The following NKIRAS1 variants were observed in gnomAD, a reference collection of about 807,000 sequenced individuals.
NKIRAS1 encodes the protein NFKB inhibitor interacting Ras like 1, also known as NF-kappa-B inhibitor-interacting Ras-like protein 1.
In NKIRAS1, 16 loss-of-function variants were observed where a neutral mutation model predicts 19.8. That is an observed-to-expected ratio of 0.81 (90% CI 0.55 to 1.23). The LOEUF is 1.23. Among genes scored for constraint, NKIRAS1 ranks in the 50% most tolerant of loss-of-function variants. NKIRAS1 has a pLI of 0.00. For synonymous variants in NKIRAS1, 88 were observed against 79.0 expected, an observed-to-expected ratio of 1.11 and a Z score of -0.61; for missense variants, 184 against 220.0, an observed-to-expected ratio of 0.84 and a Z score of 1.04.
At position 23,908,679 on chromosome 3, in the gene NKIRAS1, TTTTC is replaced by T. The variant is rs529009972; in HGVS notation, c.94+2128_94+2131del. Reference sequence around the variant, plus strand: ...TAGTTTACAAATGTCTCCATTTTCCTTTTCTTTTTTTCTTTTTTCAGACAGGGTC... The same window carrying T: ...TAGTTTACAAATGTCTCCATTTTCCTTTTTTTTCTTTTTTCAGACAGGGTC... On this transcript the variant is annotated intron_variant, in intron 3 of 4. Transcript: ENST00000425478. Among the ~76,000 whole-genome samples the T allele has an allele frequency of 2.4e-4, 37 of 152,198 alleles. No homozygotes were observed. In the South Asian group the frequency reaches 6.6e-3, roughly 27 times the overall value.
intron 1 of NKIRAS1, among the ~76,000 whole-genome samples, chr3:23,936,342 C>T (rs906877403): frequency 6.6e-6 from 1 of 152,114 alleles, no homozygotes; most frequent in Non-Finnish European, 1.5e-5. Context: ...CAGCCACTAA[C>T]CTTATATACT....
At chr3:23,921,531 A>G, upstream of NKIRAS1, 3 of 671,664 alleles carry the variant, frequency 4.5e-6, no homozygotes, top group South Asian at 3.2e-5. Context: ...TACTATTTCT[A>G]TATTGGCATG....
chr3:23,918,397 G>A (rs1704816923), upstream of NKIRAS1: 4 of 1,600,496 alleles, frequency 2.5e-6, no homozygotes, highest in Middle Eastern at 2.3e-4. Flanking sequence ...TAAGCCTTAC[G>A]GCTTCCTATA....
At chr3:23,923,580 T>C (rs920601963) in intron 1 of NKIRAS1, 2 of 152,232 alleles carry the variant, frequency 1.3e-5, no homozygotes, top group Non-Finnish European at 1.5e-5. Flanking sequence ...CCATGATTCA[T>C]TGGATGTGGA....
chr3:23,945,936 G>T (rs567249310), intron 1 of NKIRAS1, among the ~76,000 whole-genome samples: 1 of 149,778 alleles, frequency 6.7e-6, no homozygotes, highest in South Asian at 2.1e-4. Context: ...ATTACATAAT[G>T]GGCGCTGAGG....
chr3:23,919,178 C>G (rs775525444), upstream of NKIRAS1: 41 of 1,580,130 alleles, frequency 2.6e-5, no homozygotes, highest in Non-Finnish European at 1.7e-5. Context: ...TGACCTTGGG[C>G]CTTTTTTCCT....
intron 1 of NKIRAS1, among the ~76,000 whole-genome samples, chr3:23,942,801 TGCACTGGGGAGATCA>T (rs2125272528): frequency 6.6e-6 from 1 of 152,266 alleles, no homozygotes; most frequent in African/African-American, 2.4e-5. Context: ...CAGACTGGAA[TGCACTGGGGAGATCA>T]TGACTTACTG....
chr3:23,918,706 A>G, upstream of NKIRAS1: 1 of 1,099,964 alleles, frequency 9.1e-7, no homozygotes, highest in Non-Finnish European at 1.3e-6. Flanking sequence ...GATTTTTACT[A>G]ATCTTGGTGA....
chr3:23,918,988 G>T, upstream of NKIRAS1: 1 of 592,456 alleles, frequency 1.7e-6, no homozygotes, highest in African/African-American at 1.9e-5. Flanking sequence ...AAGAGGGAAT[G>T]ATGTGTTTCA....
intron 3 of NKIRAS1, among the ~76,000 whole-genome samples, chr3:23,908,193 G>C (rs990370091): frequency 6.6e-6 from 1 of 152,038 alleles, no homozygotes; most frequent in African/African-American, 2.4e-5. Context: ...ACCAATTCAC[G>C]ATGCTAAAAA....
chr3:23,893,021 G>C lies in NKIRAS1; in HGVS notation c.*74C>G. 7.0e-7 allele frequency: 1 copy of C among 1,436,314 alleles called. No individual in the cohort carries two copies. The highest frequency in any genetic ancestry group is 9.2e-7 in the Non-Finnish European group (1 of 1,081,122). 89.0% of individuals were successfully genotyped at this position (1,436,314 alleles called of 1,614,324 possible). A position where few individuals can be genotyped will look rare whatever the true frequency, so the allele number is the denominator to read the frequency against. On this transcript the variant is annotated 3_prime_UTR_variant, in exon 5 of 5. Coordinates refer to ENST00000425478, the MANE Select transcript of NKIRAS1 (RefSeq NM_020345.4). ...AGATACAAATGGCCTATTTTAAATA[G>C]TAATATTACTCCATGTTCACAGACA...
chr3:23,918,115 T>C, upstream of NKIRAS1: 2 of 1,469,810 alleles, frequency 1.4e-6, no homozygotes, highest in African/African-American at 1.4e-5. Flanking sequence ...CACTGCTGCC[T>C]CAGTGTCTTT....
chr3:23,945,754 C>A (rs1705655937), intron 1 of NKIRAS1, among the ~76,000 whole-genome samples: 1 of 150,346 alleles, frequency 6.7e-6, no homozygotes, highest in Non-Finnish European at 1.5e-5. Flanking sequence ...CCCATCGCCC[C>A]CCGGGCCGCC....
At chr3:23,946,015 A>T in intron 1 of NKIRAS1, 1 of 670,692 alleles carries the variant, frequency 1.5e-6, no homozygotes, top group Non-Finnish European at 1.8e-6. Context: ...GGCCGCAGGG[A>T]CACGTGGGGG....
chr3:23,933,416 C>A (rs766659743), intron 1 of NKIRAS1, among the ~76,000 whole-genome samples: 54 of 152,300 alleles, frequency 3.5e-4, no homozygotes, highest in Non-Finnish European at 6.6e-4. Context: ...GTTGTCACAA[C>A]TGGGAAGTGG....
At chr3:23,900,160 TC>T (rs1201204900) in intron 4 of NKIRAS1, among the ~76,000 whole-genome samples, 3 of 151,358 alleles carry the variant, frequency 2.0e-5, no homozygotes, top group African/African-American at 7.3e-5. Context: ...AGACTCAGTC[TC>T]AAAAAAAACA....
At chr3:23,930,331 T>C (rs1418625981) in intron 1 of NKIRAS1, among the ~76,000 whole-genome samples, 2 of 152,170 alleles carry the variant, frequency 1.3e-5, no homozygotes. Context: ...CCCAGCACTT[T>C]GGGTTGGATT....
At chr3:23,897,808 ATATT>A (rs1559501784) in intron 4 of NKIRAS1, among the ~76,000 whole-genome samples, 8 of 152,194 alleles carry the variant, frequency 5.3e-5, no homozygotes. Flanking sequence ...TGTATTAAAT[ATATT>A]TATTTACTGT....
chr3:23,893,796 CT>C (rs1402990272), intron 4 of NKIRAS1, among the ~76,000 whole-genome samples: 1 of 57,986 alleles, frequency 1.7e-5, no homozygotes, highest in African/African-American at 8.9e-5. Flanking sequence ...AAGACTCCAT[CT>C]CAAAAAAAAA....
Sources: allele counts gnomAD v4.1 joint callset (sites outside exome capture counted in the v4.1 genomes callset), GRCh38; gene constraint gnomAD v4.1.1; transcripts MANE v1.5; gene names NCBI Gene and HGNC (gene_info 2026-07-23, HGNC 2026-07-21).